TBC1D22A: variants seen among roughly 807,000 people sequenced by gnomAD.
The protein encoded by TBC1D22A is putative GTPase activator.
TBC1D22A carries 38 observed loss-of-function variants against 60.2 expected under a neutral mutation model. The observed-to-expected ratio is 0.63, with a 90% CI of 0.49 to 0.83. The LOEUF (loss-of-function observed/expected upper bound fraction) is 0.83, where lower values mean the gene tolerates loss of function less well. TBC1D22A is among the 40% of genes least tolerant of loss of function. The probability of loss-of-function intolerance (pLI) is 0.00; values close to 1 mark genes in which losing one functional copy is unlikely to be tolerated. For missense variants in TBC1D22A, 628 were observed against 701.0 expected (o/e 0.90, Z 1.18); for synonymous variants, 302 against 281.7 (o/e 1.07, Z -0.72).
chr22:46,926,055 A>G (rs986116243), intron 8 of TBC1D22A, among the ~76,000 whole-genome samples: 2 of 152,200 alleles, frequency 1.3e-5, no homozygotes, highest in Non-Finnish European at 2.9e-5. Context: ...TTTAGAACAC[A>G]CCCTAAATAA....
In TBC1D22A at chr22:46,844,475, G is replaced by A. The variant is rs146665244; in HGVS notation, c.638-34178G>A. On this transcript the variant is annotated intron_variant, in intron 4 of 12. Transcript: ENST00000337137. ...CAGTGTAGCCACCAGCATAAAGCTA[G>A]TGACTGAGTGTGTGCCAGATGTCTG... is the stretch of plus-strand genomic sequence containing the variant. Among the ~76,000 whole-genome samples the A allele has an allele frequency of 4.1e-4, 62 of 152,336 alleles. No homozygotes were observed. In the East Asian group the frequency reaches 0.011, roughly 27 times the overall value.
intron 4 of TBC1D22A, among the ~76,000 whole-genome samples, chr22:46,866,618 C>T (rs367892624): frequency 3.9e-5 from 6 of 152,206 alleles, no homozygotes; most frequent in South Asian, 2.1e-4. Flanking sequence ...GATCATGAAG[C>T]GGTGGAGAAA....
intron 4 of TBC1D22A, among the ~76,000 whole-genome samples, chr22:46,852,504 C>A: frequency 6.6e-6 from 1 of 152,230 alleles, no homozygotes; most frequent in East Asian, 1.9e-4. Context: ...AACGTTTGTC[C>A]GAATCTCAGT....
rs368562626 is a variant in TBC1D22A at position 47,110,807 on chromosome 22, T to C, written c.1330-701T>C. Among the ~76,000 whole-genome samples, 20 of 152,280 alleles carry C rather than the reference T, an allele frequency of 1.3e-4. 1 individual carries two copies. Among genetic ancestry groups the C allele is most frequent in the Admixed American group, 7.8e-4 (12 of 15,306 alleles). On this transcript the variant is annotated intron_variant, in intron 11 of 12. Coordinates refer to ENST00000337137, the MANE Select transcript of TBC1D22A (RefSeq NM_014346.5). ...GCCGTGCGTGCTTGAACTAACACCA[T>C]AGCCCCAAGGTGTGCAAGCCCCGAG...
At chr22:46,872,270 C>G (rs912916233) in intron 4 of TBC1D22A, among the ~76,000 whole-genome samples, 1 of 152,052 alleles carries the variant, frequency 6.6e-6, no homozygotes, top group Non-Finnish European at 1.5e-5. Flanking sequence ...CTTCCAGGAT[C>G]ACTTTCAGAA....
intron 11 of TBC1D22A, among the ~76,000 whole-genome samples, chr22:47,065,635 A>T: frequency 6.6e-6 from 1 of 152,260 alleles, no homozygotes; most frequent in East Asian, 1.9e-4. Context: ...CAGGCCTCGG[A>T]GTTGGGACTG....
At chr22:46,967,256 C>T (rs1212385399) in intron 8 of TBC1D22A, among the ~76,000 whole-genome samples, 1 of 152,152 alleles carries the variant, frequency 6.6e-6, no homozygotes, top group East Asian at 1.9e-4. Context: ...AAGAGTTTGG[C>T]GAATTTATAG....
At chr22:47,083,199 T>C (rs1416693163) in intron 11 of TBC1D22A, among the ~76,000 whole-genome samples, 2 of 151,226 alleles carry the variant, frequency 1.3e-5, no homozygotes, top group Non-Finnish European at 2.9e-5. Context: ...GAAGGACATT[T>C]ATATATCTTG....
intron 4 of TBC1D22A, among the ~76,000 whole-genome samples, chr22:46,822,133 T>A (rs1569089091): frequency 6.6e-6 from 1 of 152,050 alleles, no homozygotes; most frequent in Non-Finnish European, 1.5e-5. Flanking sequence ...AGTTAGCAGT[T>A]CCTCTCACCT....
intron 1 of TBC1D22A, among the ~76,000 whole-genome samples, chr22:46,773,639 G>T (rs1030172011): frequency 2.6e-5 from 4 of 151,970 alleles, no homozygotes; most frequent in Non-Finnish European, 5.9e-5. Flanking sequence ...TCATTTTTTT[G>T]TGTGTGTGTT....
intron 12 of TBC1D22A, among the ~76,000 whole-genome samples, chr22:47,159,317 A>G (rs1234149867): frequency 1.1e-5 from 1 of 89,616 alleles, no homozygotes; most frequent in Non-Finnish European, 2.3e-5. Flanking sequence ...ATGTATACAT[A>G]CACACACATG....
intron 12 of TBC1D22A, among the ~76,000 whole-genome samples, chr22:47,171,016 C>T (rs1035710365): frequency 1.2e-4 from 18 of 152,304 alleles, no homozygotes; most frequent in South Asian, 6.2e-4. Flanking sequence ...CGGCAGCCTC[C>T]GGCACAGCCA....
intron 9 of TBC1D22A, among the ~76,000 whole-genome samples, chr22:46,978,673 G>T (rs1190382096): frequency 6.6e-6 from 1 of 152,234 alleles, no homozygotes; most frequent in Non-Finnish European, 1.5e-5. Flanking sequence ...GCAGTGGTGC[G>T]ATCTCAGTTC....
In TBC1D22A at chr22:47,171,360, G is replaced by A. The variant is rs536263548; in HGVS notation, c.1426-2138G>A. ...CCAGCACCCTGAGGGCTCCTCAGCC[G>A]CCTTCCTGACTTCCTGGATCCAGCT... On this transcript the variant is annotated intron_variant, in intron 12 of 12. Coordinates refer to ENST00000337137, the MANE Select transcript of TBC1D22A (RefSeq NM_014346.5). Among the ~76,000 whole-genome samples, 29 of 152,266 alleles carry A rather than the reference G, an allele frequency of 1.9e-4. No homozygotes were observed. In the East Asian group the frequency reaches 3.5e-3, roughly 18 times the overall value.
intron 7 of TBC1D22A, among the ~76,000 whole-genome samples, chr22:46,898,999 G>C (rs1187821264): frequency 2.0e-5 from 3 of 152,190 alleles, no homozygotes; most frequent in Non-Finnish European, 2.9e-5. Flanking sequence ...GTTCAGCAAG[G>C]CTTGGCAGAG....
At chr22:46,867,361 G>T (rs1215000461) in intron 4 of TBC1D22A, among the ~76,000 whole-genome samples, 1 of 152,230 alleles carries the variant, frequency 6.6e-6, no homozygotes, top group Non-Finnish European at 1.5e-5. Context: ...TCTGTGTTCA[G>T]TGATGATGAT....
intron 11 of TBC1D22A, among the ~76,000 whole-genome samples, chr22:47,054,408 C>T (rs2063321129): frequency 6.6e-6 from 1 of 152,102 alleles, no homozygotes; most frequent in African/African-American, 2.4e-5. Context: ...TTTGCCTGGC[C>T]GTTCCTCCCC....
At chr22:47,068,771 G>A (rs904045213) in intron 11 of TBC1D22A, among the ~76,000 whole-genome samples, 1 of 152,198 alleles carries the variant, frequency 6.6e-6, no homozygotes, top group African/African-American at 2.4e-5. Flanking sequence ...AAGGAGACAT[G>A]CAAATGAGGC....
intron 11 of TBC1D22A, among the ~76,000 whole-genome samples, chr22:47,108,213 C>G (rs2065708387): frequency 6.6e-6 from 1 of 152,198 alleles, no homozygotes; most frequent in Admixed American, 6.5e-5. Flanking sequence ...TTTATCCAAG[C>G]AAAATGAAAG....
Sources: allele counts gnomAD v4.1 joint callset (sites outside exome capture counted in the v4.1 genomes callset), GRCh38; gene constraint gnomAD v4.1.1; transcripts MANE v1.5; gene names NCBI Gene and HGNC (gene_info 2026-07-23, HGNC 2026-07-21).